Variants in HCN1 observed in about 807,000 individuals in gnomAD.
HCN1 encodes the protein hyperpolarization activated cyclic nucleotide gated potassium channel 1.
HCN1 carries 13 observed loss-of-function variants against 78.9 expected under a neutral mutation model. The observed-to-expected ratio is 0.16, with a 90% CI of 0.11 to 0.26. HCN1 has a LOEUF of 0.26. Among genes scored for constraint, HCN1 ranks in the 10% least tolerant of loss-of-function variants. The pLI is 1.00. For synonymous variants in HCN1, 552 were observed against 455.5 expected (o/e 1.21, Z -2.70); for missense variants, 810 against 1,154.3 (o/e 0.70, Z 4.32).
intron 2 of HCN1, among the ~76,000 whole-genome samples, chr5:45,498,578 CTCAGCTCGTCAAAG>C (rs1474182904): frequency 6.6e-6 from 1 of 152,216 alleles, no homozygotes; most frequent in Non-Finnish European, 1.5e-5. Flanking sequence ...GCCTTCTTCT[CTCAGCTCGTCAAAG>C]TCATTTTCCG....
At chr5:45,468,003 C>T (rs1741313025) in intron 2 of HCN1, among the ~76,000 whole-genome samples, 1 of 152,000 alleles carries the variant, frequency 6.6e-6, no homozygotes, top group African/African-American at 2.4e-5. Context: ...CTTCTCATGG[C>T]TATATGTACA....
intron 2 of HCN1, among the ~76,000 whole-genome samples, chr5:45,527,551 C>T (rs1742760069): frequency 6.6e-6 from 1 of 151,464 alleles, no homozygotes; most frequent in South Asian, 2.1e-4. Flanking sequence ...TCTTTTCTCT[C>T]TCTTTCTCTC....
chr5:45,639,584 A>C (rs996913137), intron 2 of HCN1, among the ~76,000 whole-genome samples: 2 of 152,196 alleles, frequency 1.3e-5, no homozygotes, highest in Non-Finnish European at 2.9e-5. Flanking sequence ...TGAAACCTCC[A>C]ATATAATTGA....
intron 2 of HCN1, among the ~76,000 whole-genome samples, chr5:45,481,134 T>A (rs1287502361): frequency 6.6e-6 from 1 of 152,132 alleles, no homozygotes; most frequent in Non-Finnish European, 1.5e-5. Context: ...TGAAGAGAGA[T>A]TCTGTAAATA....
intron 2 of HCN1, among the ~76,000 whole-genome samples, chr5:45,534,419 A>G (rs1579954401): frequency 8.0e-6 from 1 of 125,090 alleles, no homozygotes; most frequent in East Asian, 2.1e-4. Flanking sequence ...AAAAAAAAAA[A>G]AAAAAAAAAA....
At chr5:45,655,712 G>T (rs1054965871) in intron 1 of HCN1, among the ~76,000 whole-genome samples, 1 of 152,004 alleles carries the variant, frequency 6.6e-6, no homozygotes, top group Non-Finnish European at 1.5e-5. Flanking sequence ...ATTCCCAGAG[G>T]CTCAAAGTGA....
intron 3 of HCN1, among the ~76,000 whole-genome samples, chr5:45,426,267 G>T (rs762071892): frequency 2.6e-5 from 4 of 152,144 alleles, no homozygotes; most frequent in Non-Finnish European, 4.4e-5. Flanking sequence ...CAAACAAATG[G>T]ATTATGGAGC....
rs1739663088 is a variant in HCN1, at chr5:45,679,614, G to C, written c.425+16055C>G. ...ACATTCTAACTCAGGTGAAGTCATG[G>C]AACCATCTCAAGTCTAGTTATTGAT... On this transcript the variant is annotated intron_variant, in intron 1 of 7. Transcript: ENST00000303230. Among the ~76,000 whole-genome samples the C allele has an allele frequency of 2.0e-5, 3 of 152,038 alleles. 1 individual carries two copies. In the South Asian group the frequency reaches 6.2e-4, roughly 32 times the overall value.
chr5:45,425,013 A>T (rs578236346), intron 3 of HCN1, among the ~76,000 whole-genome samples: 2 of 152,306 alleles, frequency 1.3e-5, no homozygotes, highest in African/African-American at 4.8e-5. Context: ...TGTCATTTGA[A>T]TATAATTAAA....
At chr5:45,658,543 C>T (rs1021511208) in intron 1 of HCN1, among the ~76,000 whole-genome samples, 8 of 152,076 alleles carry the variant, frequency 5.3e-5, no homozygotes, top group East Asian at 3.9e-4. Context: ...TCTGAGGTAA[C>T]GGGTTCATCT....
At chr5:45,450,708 C>T (rs1047431293) in intron 3 of HCN1, among the ~76,000 whole-genome samples, 4 of 152,166 alleles carry the variant, frequency 2.6e-5, no homozygotes, top group African/African-American at 9.7e-5. Context: ...GGTAGAATTA[C>T]ATCCATAAAC....
chr5:45,281,326 C>A (rs771861435), intron 6 of HCN1, among the ~76,000 whole-genome samples: 1 of 151,982 alleles, frequency 6.6e-6, no homozygotes, highest in East Asian at 1.9e-4. Flanking sequence ...CTCTCTCTCT[C>A]TCCTGCTCCA....
At chr5:45,372,662 A>C (rs563534046) in intron 4 of HCN1, among the ~76,000 whole-genome samples, 6 of 80,330 alleles carry the variant, frequency 7.5e-5, no homozygotes, top group Middle Eastern at 0.016. Context: ...TAAAACATTT[A>C]TATATAAAAA....
Position 45,647,748 on chromosome 5 carries a change from C to T in HCN1, c.426-2140G>A, listed in dbSNP as rs1305378121. Among the ~76,000 whole-genome samples the T allele has an allele frequency of 3.3e-5, 5 of 152,060 alleles. No individual in the cohort carries two copies. In the East Asian group the frequency reaches 9.7e-4, roughly 29 times the overall value. ...CTCCCACATATATTCCTCACATATC[C>T]CCTATCTCAGGGAATGGAATAACTC... On this transcript the variant is annotated intron_variant, in intron 1 of 7. Coordinates refer to ENST00000303230, the MANE Select transcript of HCN1 (RefSeq NM_021072.4).
intron 2 of HCN1, among the ~76,000 whole-genome samples, chr5:45,625,597 C>G (rs900203005): frequency 3.1e-4 from 47 of 151,742 alleles, no homozygotes; most frequent in African/African-American, 9.2e-4. Context: ...ATAAAAAGCA[C>G]TCTCACCTGG....
Position 45,341,192 on chromosome 5 carries a change from A to C in HCN1, c.1377+11908T>G, listed in dbSNP as rs55743082. On this transcript the variant is annotated intron_variant, in intron 5 of 7. Transcript: ENST00000303230. ...GGATCACTCATTTTAAGAAGGAATGAGACAATGTTGAAGATGAAGCCCATA... is the reference window on the plus strand; with the variant it reads ...GGATCACTCATTTTAAGAAGGAATGCGACAATGTTGAAGATGAAGCCCATA... Among the ~76,000 whole-genome samples the C allele has an allele frequency of 4.3e-3, 652 of 152,332 alleles. 1 individual carries two copies. Among genetic ancestry groups the C allele is most frequent in the Admixed American group, 5.8e-3 (88 of 15,294 alleles).
At chr5:45,338,044 T>C (rs1746499985) in intron 5 of HCN1, among the ~76,000 whole-genome samples, 2 of 152,162 alleles carry the variant, frequency 1.3e-5, no homozygotes. Flanking sequence ...TTCTCACAAA[T>C]GTAGTTCTTA....
chr5:45,270,687 AT>A (rs1561082626), intron 6 of HCN1, among the ~76,000 whole-genome samples: 1 of 152,152 alleles, frequency 6.6e-6, no homozygotes, highest in South Asian at 2.1e-4. Context: ...CCTGGGAATC[AT>A]CTTAAATAAG....
In HCN1 at chr5:45,259,283, TTATATA is replaced by T. The variant is rs959048189; in HGVS notation, c.*2632_*2637del. Reference sequence around the variant, plus strand: ...TTTTTGTTGAATTTATTAATAATCTTTATATATATTTATATATGTATGGCTTTGAGC... The same window carrying T: ...TTTTTGTTGAATTTATTAATAATCTTTATTTATATATGTATGGCTTTGAGC... On this transcript the variant is annotated 3_prime_UTR_variant, in exon 8 of 8. Coordinates refer to ENST00000303230, the MANE Select transcript of HCN1 (RefSeq NM_021072.4). 2 of 151,970 alleles carry T rather than the reference TTATATA, an allele frequency of 1.3e-5. No homozygotes were observed. The highest frequency in any genetic ancestry group is 2.9e-5 in the Non-Finnish European group (2 of 67,870). 9.4% of individuals were successfully genotyped at this position (151,970 alleles called of 1,614,324 possible).
Sources: gnomAD v4.1 joint callset for allele counts (sites outside exome capture counted in the v4.1 genomes callset) on GRCh38, gnomAD v4.1.1 for gene constraint, MANE v1.5 for transcripts, NCBI Gene and HGNC (gene_info 2026-07-23, HGNC 2026-07-21) for gene names.